Variants in PSPC1 observed in about 807,000 individuals in gnomAD.
The protein encoded by PSPC1 is paraspeckle protein 1.
A neutral mutation model predicts 51.6 loss-of-function variants in PSPC1; 14 were observed. The ratio of observed to expected loss-of-function variants is 0.27; its 90% confidence interval spans 0.18 to 0.42. PSPC1 has a LOEUF of 0.42. PSPC1 is among the 10% of genes least tolerant of loss of function. PSPC1 has a pLI of 1.00. For synonymous variants in PSPC1, 193 were observed against 231.9 expected, an observed-to-expected ratio of 0.83 and a Z score of 1.53; for missense variants, 406 against 701.1, an observed-to-expected ratio of 0.58 and a Z score of 4.75.
chr13:19,671,343 T>A, downstream of PSPC1: 1 of 1,509,074 alleles, frequency 6.6e-7, no homozygotes, highest in Non-Finnish European at 9.2e-7. Flanking sequence ...TGCTCCAGAT[T>A]ACTTTATCAA....
At chr13:19,685,768 T>C (rs1323932137) in intron 6 of PSPC1, among the ~76,000 whole-genome samples, 1 of 152,188 alleles carries the variant, frequency 6.6e-6, no homozygotes, top group Non-Finnish European at 1.5e-5. Flanking sequence ...TCTATTTATA[T>C]ACCCAAATCC....
chr13:19,680,095 A>G (rs1418727627), intron 6 of PSPC1, among the ~76,000 whole-genome samples: 1 of 152,084 alleles, frequency 6.6e-6, no homozygotes, highest in Non-Finnish European at 1.5e-5. Context: ...ACTCACTGCA[A>G]CCTTCACCTC....
chr13:19,759,861 C>CAA lies in PSPC1; in HGVS notation c.675-445_675-444dup, dbSNP rs60889099. ...TGGGCAACACAGCAAGACTCCATCACAAAAAAAAAAAAAAATCAGTCAATA... is the reference window on the plus strand; with the variant it reads ...TGGGCAACACAGCAAGACTCCATCACAAAAAAAAAAAAAAAAATCAGTCAATA... On this transcript the variant is annotated intron_variant, in intron 2 of 8. Coordinates refer to ENST00000338910, the MANE Select transcript of PSPC1 (RefSeq NM_001354909.2). Among the ~76,000 whole-genome samples the CAA allele has an allele frequency of 6.3e-3, 833 of 131,662 alleles. 4 individuals are homozygous for CAA. Among genetic ancestry groups the CAA allele is most frequent in the Non-Finnish European group, 8.3e-3 (532 of 64,066 alleles). 86.4% of individuals were successfully genotyped at this position (131,662 alleles called of 152,430 possible). A position where few individuals can be genotyped will look rare whatever the true frequency, so the allele number is the denominator to read the frequency against.
rs879572209 is a variant in PSPC1 at position 19,713,002 on chromosome 13, GAAATAC to G, written c.1159-3409_1159-3404del. On this transcript the variant is annotated intron_variant, in intron 6 of 8. Transcript: ENST00000338910. ...AGAGATTAGGATGATTTTGTAAAAT[GAAATAC>G]AGCATTCTTCACTAACACTAAATCT... Among the ~76,000 whole-genome samples the G allele has an allele frequency of 3.9e-4, 59 of 152,176 alleles. 1 individual carries two copies. The highest frequency in any genetic ancestry group is 2.7e-3 in the South Asian group (13 of 4,818).
intron 3 of PSPC1, among the ~76,000 whole-genome samples, chr13:19,755,883 C>G (rs566374274): frequency 6.5e-4 from 99 of 152,280 alleles, no homozygotes; most frequent in African/African-American, 2.2e-3. Flanking sequence ...ACCTGCTTGA[C>G]TACACTGCTA....
chr13:19,755,460 C>T (rs1384757155), intron 3 of PSPC1, among the ~76,000 whole-genome samples: 4 of 151,720 alleles, frequency 2.6e-5, no homozygotes, highest in South Asian at 2.1e-4. Context: ...TGGTTATGTG[C>T]GCCTGTAGTC....
intron 5 of PSPC1, among the ~76,000 whole-genome samples, chr13:19,730,979 A>C (rs149578162): frequency 5.1e-5 from 7 of 138,260 alleles, no homozygotes; most frequent in East Asian, 4.3e-4. Context: ...AAAAAAAAAA[A>C]CAGAAAAAGT....
intron 5 of PSPC1, among the ~76,000 whole-genome samples, chr13:19,733,141 T>G (rs1189924822): frequency 6.6e-6 from 1 of 152,130 alleles, no homozygotes. Context: ...GTGGCATTAT[T>G]TATAAAAGCA....
intron 6 of PSPC1, chr13:19,678,361 C>T (rs1053974801): frequency 1.3e-5 from 2 of 153,204 alleles, no homozygotes; most frequent in Admixed American, 6.5e-5. Flanking sequence ...CTTCAAAGAG[C>T]ACATACCCAA....
intron 6 of PSPC1, among the ~76,000 whole-genome samples, chr13:19,697,365 T>G (rs1879384762): frequency 6.6e-6 from 1 of 152,166 alleles, no homozygotes; most frequent in Non-Finnish European, 1.5e-5. Flanking sequence ...TGTCCCTTAA[T>G]TTAGAGGACA....
chr13:19,733,678 G>A (rs1884407567), intron 5 of PSPC1, among the ~76,000 whole-genome samples: 2 of 151,744 alleles, frequency 1.3e-5, no homozygotes, highest in Non-Finnish European at 2.9e-5. Flanking sequence ...CAGGAGAATC[G>A]CTGGAACCTG....
intron 1 of PSPC1, among the ~76,000 whole-genome samples, chr13:19,779,340 C>T (rs1467148958): frequency 1.8e-5 from 2 of 110,362 alleles, no homozygotes; most frequent in African/African-American, 3.3e-5. Flanking sequence ...GGGGGGTCAG[C>T]CCCCCCGCCC....
chr13:19,675,816 A>C (rs1240146956), intron 7 of PSPC1: 3 of 152,224 alleles, frequency 2.0e-5, no homozygotes, highest in African/African-American at 7.2e-5. Context: ...TGATGGAGGA[A>C]ACTGTCATGG....
intron 6 of PSPC1, among the ~76,000 whole-genome samples, chr13:19,716,440 C>G (rs1439133529): frequency 1.3e-5 from 2 of 152,160 alleles, no homozygotes; most frequent in South Asian, 2.1e-4. Context: ...TCATCTAACA[C>G]TTTATCAATA....
At chr13:19,676,982 C>T (rs1054270691) in intron 7 of PSPC1, among the ~76,000 whole-genome samples, 1 of 152,188 alleles carries the variant, frequency 6.6e-6, no homozygotes, top group Non-Finnish European at 1.5e-5. Context: ...CGCCTCTAAT[C>T]CCAGCACTTT....
intron 5 of PSPC1, among the ~76,000 whole-genome samples, chr13:19,735,885 C>G (rs1413569260): frequency 1.3e-5 from 2 of 151,938 alleles, no homozygotes; most frequent in Non-Finnish European, 2.9e-5. Flanking sequence ...GCAGTGGCGC[C>G]ATCTCTGCTC....
chr13:19,674,139 A>G (rs1876351749), downstream of PSPC1, among the ~76,000 whole-genome samples: 2 of 152,168 alleles, frequency 1.3e-5, no homozygotes, highest in Admixed American at 6.5e-5. Flanking sequence ...TCCACTGTCT[A>G]CTTGGGTAAG....
At chr13:19,744,737 G>T (rs1030173194) in intron 4 of PSPC1, among the ~76,000 whole-genome samples, 1 of 151,998 alleles carries the variant, frequency 6.6e-6, no homozygotes, top group Non-Finnish European at 1.5e-5. Flanking sequence ...GCTAATTTTT[G>T]TATTTTTAGT....
chr13:19,696,412 A>G (rs1191574579), intron 6 of PSPC1, among the ~76,000 whole-genome samples: 1 of 152,140 alleles, frequency 6.6e-6, no homozygotes, highest in Admixed American at 6.6e-5. Flanking sequence ...ACAACTGTCA[A>G]TACAGCAAAT....
Sources: allele counts gnomAD v4.1 joint callset (sites outside exome capture counted in the v4.1 genomes callset), GRCh38; gene constraint gnomAD v4.1.1; transcripts MANE v1.5; gene names NCBI Gene and HGNC (gene_info 2026-07-23, HGNC 2026-07-21).